Variants in NXPE2 observed in about 807,000 individuals in gnomAD.
NXPE2 encodes the protein neurexophilin and PC-esterase domain family member 2.
In NXPE2, 34 loss-of-function variants were observed where a neutral mutation model predicts 34.4. The ratio of observed to expected loss-of-function variants is 0.99; its 90% CI spans 0.75 to 1.31. The LOEUF (loss-of-function observed/expected upper bound fraction) is 1.31. Ranked by LOEUF, NXPE2 falls within the 40% of genes most tolerant of loss-of-function variation. The pLI, the probability that NXPE2 is intolerant of heterozygous loss-of-function variation, is 0.00. For synonymous variants in NXPE2, 235 were observed against 231.3 expected, an observed-to-expected ratio of 1.02 and a Z score of -0.15; for missense variants, 649 against 672.5, an observed-to-expected ratio of 0.97 and a Z score of 0.39.
the NXPE2 span, among the ~76,000 whole-genome samples, chr11:114,650,440 T>C: frequency 2.0e-5 from 3 of 152,116 alleles, no homozygotes; most frequent in Non-Finnish European, 4.4e-5. Flanking sequence ...ATTGAGAGGG[T>C]ACTCCTATTT....
the NXPE2 span, chr11:114,522,520 T>C: frequency 2.6e-6 from 4 of 1,547,752 alleles, no homozygotes; most frequent in Non-Finnish European, 3.5e-6. Flanking sequence ...AAAAAACAAA[T>C]AGATGTTTTA....
At chr11:114,805,647 G>A in the NXPE2 span, among the ~76,000 whole-genome samples, 8 of 152,234 alleles carry the variant, frequency 5.3e-5, no homozygotes, top group Non-Finnish European at 8.8e-5. Context: ...GGGGAGGGGC[G>A]CCTGCCATTG....
chr11:114,706,226 T>C (rs1385110169), intron 5 of NXPE2, among the ~76,000 whole-genome samples, 169 bp from the exon 6 acceptor site: 3 of 152,120 alleles, frequency 2.0e-5, no homozygotes, highest in African/African-American at 4.8e-5. Flanking sequence ...TCATAACAAG[T>C]TCAATATTTT....
chr11:114,489,426 A>T, the NXPE2 span, among the ~76,000 whole-genome samples: 1 of 152,224 alleles, frequency 6.6e-6, no homozygotes, highest in Non-Finnish European at 1.5e-5. Flanking sequence ...TTAGACCAAT[A>T]TCCTTGATGA....
the NXPE2 span, among the ~76,000 whole-genome samples, chr11:114,601,882 AATTAT>A: frequency 7.8e-4 from 1 of 1,278 alleles, no homozygotes; most frequent in Non-Finnish European, 1.3e-3. Flanking sequence ...TATTATATAT[AATTAT>A]ATATTATATT....
the NXPE2 span, among the ~76,000 whole-genome samples, chr11:114,656,745 A>G: frequency 7.2e-5 from 11 of 152,196 alleles, no homozygotes; most frequent in Middle Eastern, 3.2e-3. Context: ...TATTTGTAAT[A>G]TACTTAATAC....
chr11:114,524,568 A>G, the NXPE2 span, among the ~76,000 whole-genome samples: 1 of 152,150 alleles, frequency 6.6e-6, no homozygotes, highest in African/African-American at 2.4e-5. Flanking sequence ...TTACAGTGTG[A>G]TATTGATGGG....
chr11:114,552,668 G>A, the NXPE2 span, among the ~76,000 whole-genome samples: 4 of 151,610 alleles, frequency 2.6e-5, no homozygotes, highest in Middle Eastern at 3.4e-3. Flanking sequence ...AGTGAATTTT[G>A]TAAAGTATGA....
chr11:114,540,028 G>GT, the NXPE2 span, among the ~76,000 whole-genome samples: 1 of 152,146 alleles, frequency 6.6e-6, no homozygotes, highest in Non-Finnish European at 1.5e-5. Context: ...CCTCACATCA[G>GT]TAAGTATTTC....
chr11:114,697,017 A>T (rs1951270422), intron 2 of NXPE2, among the ~76,000 whole-genome samples: 1 of 152,244 alleles, frequency 6.6e-6, no homozygotes, highest in South Asian at 2.1e-4. Context: ...ACATACTGTA[A>T]TAAAAGTTAT....
the NXPE2 span, among the ~76,000 whole-genome samples, chr11:114,632,971 A>G: frequency 9.7e-6 from 1 of 103,322 alleles, no homozygotes; most frequent in South Asian, 2.7e-4. Context: ...ATTATATATT[A>G]TATATTATAT....
the NXPE2 span, among the ~76,000 whole-genome samples, chr11:114,639,718 A>G: frequency 7.7e-6 from 1 of 130,106 alleles, no homozygotes; most frequent in African/African-American, 2.9e-5. Flanking sequence ...ATAATATATA[A>G]TATAGTAATA....
At chr11:114,616,258 A>T in the NXPE2 span, among the ~76,000 whole-genome samples, 10 of 151,634 alleles carry the variant, frequency 6.6e-5, no homozygotes, top group African/African-American at 2.4e-4. Flanking sequence ...TACCCAGAGG[A>T]CAATAAATGT....
At chr11:114,610,573 G>A in the NXPE2 span, among the ~76,000 whole-genome samples, 24 of 106,116 alleles carry the variant, frequency 2.3e-4, no homozygotes, top group Non-Finnish European at 5.1e-4. Context: ...ACTGTTACCC[G>A]GTGGATAATA....
the NXPE2 span, among the ~76,000 whole-genome samples, chr11:114,722,770 T>A: frequency 3.3e-5 from 5 of 152,280 alleles, no homozygotes; most frequent in East Asian, 3.9e-4. Flanking sequence ...TTAGATAGAA[T>A]AACAAAACGA....
At chr11:114,620,865 G>A in the NXPE2 span, among the ~76,000 whole-genome samples, 11 of 152,140 alleles carry the variant, frequency 7.2e-5, no homozygotes, top group African/African-American at 2.4e-4. Context: ...ACTGTTACCC[G>A]ATGGATAATA....
chr11:114,746,772 A>G, the NXPE2 span, among the ~76,000 whole-genome samples: 1 of 151,536 alleles, frequency 6.6e-6, no homozygotes, highest in Non-Finnish European at 1.5e-5. Flanking sequence ...AATCGCTTGA[A>G]CCCGGAATGT....
the NXPE2 span, among the ~76,000 whole-genome samples, chr11:114,761,518 A>T: frequency 6.0e-5 from 9 of 150,818 alleles, no homozygotes; most frequent in Admixed American, 4.6e-4. Context: ...CAGCATGCTA[A>T]ATGTCTTCAT....
the NXPE2 span, among the ~76,000 whole-genome samples, chr11:114,519,561 C>T: frequency 6.6e-6 from 1 of 152,022 alleles, no homozygotes; most frequent in East Asian, 1.9e-4. Context: ...ATTATTCTTT[C>T]CCGGGGTGTC....
Sources: allele counts gnomAD v4.1 joint callset (sites outside exome capture counted in the v4.1 genomes callset), GRCh38; gene constraint gnomAD v4.1.1; transcripts MANE v1.5; gene names NCBI Gene and HGNC (gene_info 2026-07-23, HGNC 2026-07-21).